ZNF532: variants seen among roughly 807,000 people sequenced by gnomAD.
The protein encoded by ZNF532 is zinc finger protein 532.
A neutral mutation model predicts 89.3 loss-of-function variants in ZNF532; 22 were observed. The observed-to-expected ratio is 0.25, with a 90% CI of 0.18 to 0.35. ZNF532 has a LOEUF of 0.35. ZNF532 is among the 10% of genes least tolerant of loss of function. The pLI is 1.00. For synonymous variants in ZNF532, 606 were observed against 649.6 expected (o/e 0.93, Z 1.02); for missense variants, 1,132 against 1,643.4 (o/e 0.69, Z 5.38).
At position 58,873,265 on chromosome 18, in the gene ZNF532, G is replaced by A. The variant is rs137870489; in HGVS notation, c.-18+7686G>A. 5.3e-3 allele frequency among the ~76,000 whole-genome samples: 803 copies of A among 152,182 alleles called. 4 individuals are homozygous for A. The highest frequency in any genetic ancestry group is 0.018 in the African/African-American group (760 of 41,516). ...TCAAACACCTGTGCTCAAGTGATCT[G>A]CCTTCCTTGACCTCCCAAAGTGCTG... On this transcript the variant is annotated intron_variant, in intron 2 of 9. Transcript: ENST00000591808.
chr18:58,891,052 A>G (rs908471478), intron 2 of ZNF532, among the ~76,000 whole-genome samples: 6 of 152,030 alleles, frequency 3.9e-5, no homozygotes, highest in Non-Finnish European at 8.8e-5. Flanking sequence ...CCGAGTAGCT[A>G]GGACTACACA....
At chr18:58,905,894 T>A (rs1333399811) in intron 2 of ZNF532, among the ~76,000 whole-genome samples, 1 of 152,228 alleles carries the variant, frequency 6.6e-6, no homozygotes, top group East Asian at 1.9e-4. Flanking sequence ...TCGATGACCT[T>A]GACAGTTGTA....
chr18:58,977,043 G>A (rs2067137554), intron 7 of ZNF532, among the ~76,000 whole-genome samples: 4 of 152,052 alleles, frequency 2.6e-5, no homozygotes, highest in Admixed American at 2.6e-4. Flanking sequence ...ATTTTTGGGG[G>A]GTGCCAGCTT....
intron 2 of ZNF532, among the ~76,000 whole-genome samples, chr18:58,897,391 C>T (rs1214149268): frequency 2.0e-5 from 3 of 152,180 alleles, no homozygotes; most frequent in Non-Finnish European, 2.9e-5. Flanking sequence ...CTGAATAATA[C>T]TTTCACATAT....
intron 7 of ZNF532, chr18:58,954,110 C>T (rs2064503957): frequency 9.6e-7 from 1 of 1,042,442 alleles, no homozygotes; most frequent in East Asian, 6.3e-5. Context: ...AGGTTAAAGA[C>T]ATTTGAATTT....
intron 2 of ZNF532, among the ~76,000 whole-genome samples, chr18:58,893,283 A>G (rs1029433943): frequency 6.6e-6 from 1 of 152,226 alleles, no homozygotes; most frequent in African/African-American, 2.4e-5. Context: ...GAATAAAAAA[A>G]GAATAATTAG....
intron 7 of ZNF532, among the ~76,000 whole-genome samples, chr18:58,974,123 AG>A (rs1212820157): frequency 2.0e-5 from 3 of 152,140 alleles, no homozygotes; most frequent in Non-Finnish European, 4.4e-5. Flanking sequence ...CAATAAGCTC[AG>A]TTTTTTTTGC....
intron 2 of ZNF532, among the ~76,000 whole-genome samples, chr18:58,903,431 A>G (rs1332365914): frequency 6.6e-6 from 1 of 152,174 alleles, no homozygotes; most frequent in Non-Finnish European, 1.5e-5. Flanking sequence ...AGTGATAGCT[A>G]TAATTAAAAG....
chr18:58,930,627 CA>C (rs59983153), intron 3 of ZNF532, among the ~76,000 whole-genome samples: 31,854 of 81,084 alleles, frequency 0.39, 3,893 homozygotes, highest in Middle Eastern at 0.5. Context: ...GACTCCATCT[CA>C]AAAAAAAAAA....
At chr18:58,888,877 T>TATATATATAAA (rs2058661532) in intron 2 of ZNF532, among the ~76,000 whole-genome samples, 1 of 36,096 alleles carries the variant, frequency 2.8e-5, no homozygotes, top group Non-Finnish European at 4.6e-5. Flanking sequence ...TAATATATAT[T>TATATATATAAA]ATATATATAT....
intron 3 of ZNF532, among the ~76,000 whole-genome samples, chr18:58,933,218 C>T (rs958284023): frequency 2.0e-5 from 3 of 151,844 alleles, no homozygotes; most frequent in Non-Finnish European, 2.9e-5. Flanking sequence ...ATTAAAGCTA[C>T]CTGTAATGTT....
chr18:58,864,490 GAC>G (rs1224411260), upstream of ZNF532: 1 of 151,086 alleles, frequency 6.6e-6, no homozygotes, highest in Admixed American at 6.6e-5. Flanking sequence ...AGCACACACT[GAC>G]ACACACGTAC....
chr18:58,901,179 C>G (rs1348438522), intron 2 of ZNF532, among the ~76,000 whole-genome samples: 2 of 152,188 alleles, frequency 1.3e-5, no homozygotes, highest in Non-Finnish European at 2.9e-5. Flanking sequence ...CTCTGTTTGA[C>G]CTGAACTTCT....
chr18:58,985,521 A>G lies in ZNF532; in HGVS notation c.*1055A>G, dbSNP rs1232162862. 5 of 152,532 alleles carry G rather than the reference A, an allele frequency of 3.3e-5. No homozygotes were observed. Among genetic ancestry groups the G allele is most frequent in the Admixed American group, 3.3e-4 (5 of 15,278 alleles). 9.4% of individuals were successfully genotyped at this position (152,532 alleles called of 1,614,324 possible). ...TCGGGATGCACAACTTCAACCACCG[A>G]CTTATCAATGCAGCCGCCTGTGTAT... is the stretch of plus-strand genomic sequence containing the variant. On this transcript the variant is annotated 3_prime_UTR_variant, in exon 10 of 10. Coordinates refer to ENST00000591808, the MANE Select transcript of ZNF532 (RefSeq NM_001375912.1).
At chr18:58,883,834 G>C (rs1026100717) in intron 2 of ZNF532, among the ~76,000 whole-genome samples, 4 of 152,158 alleles carry the variant, frequency 2.6e-5, no homozygotes, top group African/African-American at 9.7e-5. Flanking sequence ...TATAATTGGT[G>C]ATAGGTCATC....
In ZNF532 at chr18:58,981,187, C is replaced by CTAATGTGTTCAGCATGGTGCTCATTCT. The variant is rs2067726065; in HGVS notation, c.3264-282_3264-256dup. The stretch of plus-strand genomic sequence containing the variant: ...AAAGGAGTCAAGGAGGGACCTTATA[C>CTAATGTGTTCAGCATGGTGCTCATTCT]TAATGTGTTCAGCATGGTGCTCATT... On this transcript the variant is annotated intron_variant, in intron 8 of 9. Transcript: ENST00000591808. 1.2e-4 allele frequency: 44 copies of CTAATGTGTTCAGCATGGTGCTCATTCT among 378,342 alleles called. No individual in the cohort carries two copies. In the South Asian group the frequency reaches 1.2e-3, roughly 10 times the overall value. 23.4% of individuals were successfully genotyped at this position (378,342 alleles called of 1,614,324 possible).
chr18:58,894,454 C>T (rs1182970312), intron 2 of ZNF532, among the ~76,000 whole-genome samples: 6 of 135,442 alleles, frequency 4.4e-5, no homozygotes, highest in South Asian at 4.7e-4. Flanking sequence ...GTGATAACAG[C>T]GAGACTCCAT....
At chr18:58,914,311 G>A (rs564198362) in intron 2 of ZNF532, among the ~76,000 whole-genome samples, 1 of 152,210 alleles carries the variant, frequency 6.6e-6, no homozygotes, top group South Asian at 2.1e-4. Flanking sequence ...GATGTCTTTG[G>A]GTGAAAGAAC....
At chr18:58,896,263 T>G (rs1402762945) in intron 2 of ZNF532, among the ~76,000 whole-genome samples, 1 of 152,100 alleles carries the variant, frequency 6.6e-6, no homozygotes, top group East Asian at 1.9e-4. Context: ...ATCTTAACCA[T>G]AAGTGTACAG....
Sources: gnomAD v4.1 joint callset for allele counts (sites outside exome capture counted in the v4.1 genomes callset) on GRCh38, gnomAD v4.1.1 for gene constraint, MANE v1.5 for transcripts, NCBI Gene and HGNC (gene_info 2026-07-23, HGNC 2026-07-21) for gene names.